Variants in ANKRD18B observed in about 807,000 individuals in gnomAD.
ANKRD18B encodes ankyrin repeat domain-containing protein 18B.
In ANKRD18B, 75 loss-of-function variants were observed where a neutral mutation model predicts 111.8. The observed-to-expected ratio is 0.67, with a 90% CI of 0.56 to 0.81. The LOEUF (loss-of-function observed/expected upper bound fraction) is 0.81, where lower values mean the gene tolerates loss of function less well. Ranked by LOEUF, ANKRD18B falls within the 40% of genes least tolerant of loss-of-function variation. The probability of loss-of-function intolerance (pLI) is 0.00; values close to 1 mark genes in which losing one functional copy is unlikely to be tolerated. For missense variants in ANKRD18B, 1,038 were observed against 1,225.5 expected, an observed-to-expected ratio of 0.85 and a Z score of 2.28; for synonymous variants, 356 against 417.3, an observed-to-expected ratio of 0.85 and a Z score of 1.79.
intron 5 of ANKRD18B, among the ~76,000 whole-genome samples, chr9:33,535,803 A>G (rs1828190351): frequency 6.9e-6 from 1 of 145,662 alleles, no homozygotes; most frequent in Non-Finnish European, 1.5e-5. Context: ...ATTATTATAG[A>G]TTATATAATC....
intron 1 of ANKRD18B, among the ~76,000 whole-genome samples, chr9:33,525,430 C>G (rs986427764): frequency 6.6e-6 from 1 of 152,088 alleles, no homozygotes; most frequent in African/African-American, 2.4e-5. Flanking sequence ...GGTAACATTT[C>G]AGATGAGTAG....
rs183027618 is a variant in ANKRD18B, at chr9:33,556,929, A to T, written c.2330+1109A>T. 3.5e-3 allele frequency among the ~76,000 whole-genome samples: 533 copies of T among 152,316 alleles called. 4 individuals are homozygous for T. Among genetic ancestry groups the T allele is most frequent in the African/African-American group, 0.012 (500 of 41,592 alleles). On this transcript the variant is annotated intron_variant, in intron 13 of 18. Transcript: ENST00000684830. ...TAAATTTTATATATAGAAAAAGTAT[A>T]ACCTAAAGAAAAAGAGTAAAATGAG...
chr9:33,570,600 G>GCATT (rs1828757216), intron 17 of ANKRD18B, among the ~76,000 whole-genome samples: 1 of 151,526 alleles, frequency 6.6e-6, no homozygotes, highest in African/African-American at 2.4e-5. Flanking sequence ...TCAAAGCAAT[G>GCATT]CATTCATTGC....
chr9:33,525,773 T>A (rs909105721), intron 1 of ANKRD18B, among the ~76,000 whole-genome samples: 1 of 149,844 alleles, frequency 6.7e-6, no homozygotes. Flanking sequence ...AAAATATATA[T>A]TCAGATGAAA....
chr9:33,570,982 G>A (rs1828766735), intron 17 of ANKRD18B, among the ~76,000 whole-genome samples: 2 of 152,130 alleles, frequency 1.3e-5, no homozygotes, highest in South Asian at 2.1e-4. Context: ...CTAAAATTAT[G>A]TATATCCGAT....
intron 5 of ANKRD18B, among the ~76,000 whole-genome samples, chr9:33,536,445 T>C (rs961310176): frequency 6.6e-6 from 1 of 152,250 alleles, no homozygotes; most frequent in Non-Finnish European, 1.5e-5. Context: ...TCCATTGCTT[T>C]ACTATTTCTC....
At chr9:33,541,050 G>A in intron 8 of ANKRD18B, 97 bp from the exon 9 acceptor site, 1 of 1,434,732 alleles carries the variant, frequency 7.0e-7, no homozygotes, top group Non-Finnish European at 9.4e-7. Context: ...GTAGGATTTA[G>A]GGTAAGCATG....
At chr9:33,538,486 C>T (rs1175252591) in intron 6 of ANKRD18B, among the ~76,000 whole-genome samples, 2 of 152,084 alleles carry the variant, frequency 1.3e-5, no homozygotes, top group Admixed American at 6.6e-5. Context: ...TGTGTAATCC[C>T]AGCACATGGC....
intron 3 of ANKRD18B, among the ~76,000 whole-genome samples, chr9:33,531,106 C>A (rs1828108786): frequency 6.6e-6 from 1 of 152,138 alleles, no homozygotes; most frequent in Non-Finnish European, 1.5e-5. Flanking sequence ...AGTGAGAATG[C>A]AATAGGAATT....
intron 12 of ANKRD18B, among the ~76,000 whole-genome samples, chr9:33,554,886 C>A (rs183769927): frequency 0.025 from 3,793 of 152,006 alleles, 64 homozygotes; most frequent in South Asian, 0.074. Context: ...AGAGGCAGAA[C>A]AATTAATTAA....
At chr9:33,558,724 G>A (rs1364356593) in intron 14 of ANKRD18B, among the ~76,000 whole-genome samples, 1 of 151,874 alleles carries the variant, frequency 6.6e-6, no homozygotes, top group African/African-American at 2.4e-5. Flanking sequence ...ATCAGTTTGG[G>A]GATTAAAATT....
chr9:33,545,501 A>C (rs936583953), intron 10 of ANKRD18B, among the ~76,000 whole-genome samples: 3 of 152,228 alleles, frequency 2.0e-5, no homozygotes, highest in African/African-American at 7.2e-5. Context: ...GCCGAAAACC[A>C]ATACATCGCT....
chr9:33,534,441 A>T lies in ANKRD18B; in HGVS notation c.674A>T (p.His225Leu), dbSNP rs776386261. The stretch of plus-strand genomic sequence containing the variant: ...ACCCTCCTGCTTCAACAAAATATAC[A>T]TATCTCTTCTCAAGACATGTTTGGC... ...IVTLLLQQNI[H>L]ISSQDMFGQT... Residue 225 changes from histidine to leucine, a missense_variant, in exon 5 of 19, where the codon CAT becomes CTT. Around this residue, in one of 4 missense-constraint regions of ANKRD18B, gnomAD observed 93 missense variants for 141.3 expected, o/e 0.66. Transcript: ENST00000684830. 1 of 1,551,336 alleles carries T rather than the reference A, an allele frequency of 6.4e-7. No homozygotes were observed. Among genetic ancestry groups the T allele is most frequent in the Non-Finnish European group, 8.7e-7 (1 of 1,146,870 alleles).
intron 12 of ANKRD18B, among the ~76,000 whole-genome samples, chr9:33,552,209 C>G (rs1408686376): frequency 1.3e-5 from 2 of 152,072 alleles, no homozygotes; most frequent in Non-Finnish European, 2.9e-5. Context: ...AAATTAAAAC[C>G]AATTAGTCTA....
Position 33,550,472 on chromosome 9 carries a change from A to T in ANKRD18B, c.2110A>T (p.Lys704Ter). ...EFQEELVDHL[K>*]KFSMSESPLE... is the part of the protein sequence containing the mutation. ...TCAAGAAGAACTGGTCGATCATCTT[A>T]AAAAATTTTCAATGTCAGAGTCTCC... Residue 704 changes from lysine to a stop codon, truncating the protein, a stop_gained, in exon 12 of 19, where the codon AAA (lysine) becomes TAA (stop). Transcript: ENST00000684830. LOFTEE classifies it high-confidence loss of function. 1 of 1,547,926 alleles carries T rather than the reference A, an allele frequency of 6.5e-7. No homozygotes were observed. The highest frequency in any genetic ancestry group is 8.7e-7 in the Non-Finnish European group (1 of 1,145,446).
chr9:33,551,852 C>G (rs2118074892), intron 12 of ANKRD18B, among the ~76,000 whole-genome samples: 1 of 152,338 alleles, frequency 6.6e-6, no homozygotes, highest in East Asian at 1.9e-4. Flanking sequence ...CTCATCTAGC[C>G]TCATTCATTC....
chr9:33,552,844 C>T (rs1828466991), intron 12 of ANKRD18B, among the ~76,000 whole-genome samples: 1 of 151,920 alleles, frequency 6.6e-6, no homozygotes, highest in South Asian at 2.1e-4. Flanking sequence ...TTACCTGTAG[C>T]TCACCATGCA....
In ANKRD18B at chr9:33,555,758, A is replaced by G; in HGVS notation, c.2268A>G (p.Leu756=). The G allele has an allele frequency of 7.0e-7, 1 of 1,425,660 alleles. No individual in the cohort carries two copies. The highest frequency in any genetic ancestry group is 1.6e-5 in the South Asian group (1 of 61,856). The allele number at this position is 1,425,660 out of a possible 1,614,324, so 88.3% of individuals were successfully genotyped here. Residue 756 remains leucine (L), a synonymous_variant, in exon 13 of 19, where the codon TTA becomes TTG. Transcript: ENST00000684830. The stretch of plus-strand genomic sequence containing the variant: ...GAAAAGTTTTTGAATTAATATCATT[A>G]CTGAACTATACTGCGGATCAAATAA... The part of the protein sequence containing the change: ...EFRKVFELIS[L]LNYTADQIRK...
At chr9:33,530,247 G>A (rs1183202413) in intron 3 of ANKRD18B, among the ~76,000 whole-genome samples, 1 of 152,172 alleles carries the variant, frequency 6.6e-6, no homozygotes, top group South Asian at 2.1e-4. Flanking sequence ...GTCTACAAGT[G>A]TAGGCTTTCC....
Sources: gnomAD v4.1 joint callset for allele counts (sites outside exome capture counted in the v4.1 genomes callset) on GRCh38, gnomAD v4.1.1 for gene constraint, gnomAD v4.1.1 regional missense constraint, MANE v1.5 for transcripts, NCBI Gene and HGNC (gene_info 2026-07-23, HGNC 2026-07-21) for gene names.